LMF1: variants seen among roughly 807,000 people sequenced by gnomAD.
The protein encoded by LMF1 is transmembrane protein 112.
Under a neutral mutation model 60.6 loss-of-function variants are expected in LMF1, and 68 were observed. That is an observed-to-expected ratio of 1.12 (90% CI 0.92 to 1.37). The LOEUF (loss-of-function observed/expected upper bound fraction) is 1.37, where lower values mean the gene tolerates loss of function less well. LMF1 is among the 40% of genes most tolerant of loss of function. The probability of loss-of-function intolerance (pLI) is 0.00; values close to 1 mark genes in which losing one functional copy is unlikely to be tolerated. For missense variants in LMF1, 948 were observed against 767.2 expected, an observed-to-expected ratio of 1.24 and a Z score of -2.78; for synonymous variants, 418 against 324.7, an observed-to-expected ratio of 1.29 and a Z score of -3.09.
intron 3 of LMF1, among the ~76,000 whole-genome samples, chr16:927,467 A>G (rs1037942693): frequency 6.6e-6 from 1 of 152,252 alleles, no homozygotes; most frequent in African/African-American, 2.4e-5. Flanking sequence ...CCCAGAGAGG[A>G]GCTGGCTCGG....
intron 10 of LMF1, among the ~76,000 whole-genome samples, chr16:857,813 A>G (rs1325272072): frequency 2.2e-4 from 6 of 27,316 alleles, no homozygotes; most frequent in Non-Finnish European, 2.3e-4. Context: ...GTGTCTCGGG[A>G]TGGGTGTGAG....
chr16:979,328 G>A (rs933607065), intron 1 of LMF1: 6 of 353,798 alleles, frequency 1.7e-5, no homozygotes, highest in South Asian at 4.2e-5. Flanking sequence ...CCCACATACC[G>A]CCCTCCCGGG....
chr16:871,541 C>T lies in LMF1; in HGVS notation c.898-200G>A, dbSNP rs537952902. On this transcript the variant is annotated intron_variant, in intron 6 of 10. Coordinates refer to ENST00000262301, the MANE Select transcript of LMF1 (RefSeq NM_022773.4). ...CAGCAGATGCCTCAGAGGTGCCTTC[C>T]GGCAGGTGCTTCCAGAACATTCCTC... The T allele has an allele frequency of 1.6e-4, 96 of 598,986 alleles. 1 individual carries two copies. Among genetic ancestry groups the T allele is most frequent in the Admixed American group, 1.1e-3 (38 of 33,582 alleles). The allele number at this position is 598,986 out of a possible 1,614,324, so 37.1% of individuals were successfully genotyped here.
chr16:854,739 C>G (rs2069142293), intron 10 of LMF1, 33 bp from the exon 11 acceptor site: 1 of 1,549,840 alleles, frequency 6.5e-7, no homozygotes, highest in African/African-American at 1.4e-5. Context: ...CCAGGGCCTG[C>G]TGGGACTCCC....
At chr16:935,584 A>AAAAAAAAAT (rs59945373) in intron 2 of LMF1, among the ~76,000 whole-genome samples, 1 of 151,466 alleles carries the variant, frequency 6.6e-6, no homozygotes, top group Non-Finnish European at 1.5e-5. Flanking sequence ...AAAAAAAAAA[A>AAAAAAAAAT]CTCATAATGT....
chr16:958,939 A>G (rs559802826), intron 1 of LMF1, among the ~76,000 whole-genome samples: 10 of 152,186 alleles, frequency 6.6e-5, no homozygotes, highest in African/African-American at 1.2e-4. Context: ...ACAGTGCCCA[A>G]TGCTGCAGAA....
intron 1 of LMF1, chr16:978,956 A>G (rs1272864059): frequency 2.2e-6 from 1 of 453,728 alleles, no homozygotes; most frequent in Non-Finnish European, 4.4e-6. Context: ...AGCTTAAATG[A>G]CACCAAAGAT....
chr16:952,345 C>G (rs144390623), intron 2 of LMF1, among the ~76,000 whole-genome samples: 1,836 of 152,184 alleles, frequency 0.012, 23 homozygotes, highest in South Asian at 0.097. Context: ...AGCTGCAGCC[C>G]TCCCTGCATG....
chr16:870,790 G>A lies in LMF1; in HGVS notation c.1171C>T (p.Gln391Ter). The change falls in exon 8 of 11, where the codon CAG (glutamine) becomes TAG (stop). Residue 391 changes from glutamine (Q) to a stop codon, truncating the protein, a stop_gained. Transcript: ENST00000262301. LOFTEE classifies it high-confidence loss of function. ...PVVLNLLSSR[Q>*]VMNTHFNSLH... Reference sequence around the variant, plus strand: ...GAGTTGAAGTGGGTGTTCATGACCTGCCTGGAGCTCAGCAAGTTGAGGACC... The same window carrying A: ...GAGTTGAAGTGGGTGTTCATGACCTACCTGGAGCTCAGCAAGTTGAGGACC... 2 of 1,612,858 alleles carry A rather than the reference G, an allele frequency of 1.2e-6. No homozygotes were observed. The highest frequency in any genetic ancestry group is 1.7e-6 in the Non-Finnish European group (2 of 1,179,692).
chr16:940,633 A>T (rs117977881), intron 2 of LMF1, among the ~76,000 whole-genome samples: 24 of 152,400 alleles, frequency 1.6e-4, no homozygotes, highest in African/African-American at 5.3e-4. Flanking sequence ...AGTAAATGCT[A>T]TAAGGATTAT....
chr16:936,795 G>C (rs1057026337), intron 2 of LMF1, among the ~76,000 whole-genome samples: 3 of 152,230 alleles, frequency 2.0e-5, no homozygotes, highest in Non-Finnish European at 4.4e-5. Flanking sequence ...CAAATCCATA[G>C]AGAATAAAAG....
At chr16:919,594 G>A (rs2071377421) in intron 3 of LMF1, among the ~76,000 whole-genome samples, 1 of 152,230 alleles carries the variant, frequency 6.6e-6, no homozygotes, top group Non-Finnish European at 1.5e-5. Context: ...CAGAGGCAGG[G>A]AGGGCGTCTG....
At chr16:875,908 G>A (rs372834155) in intron 6 of LMF1, among the ~76,000 whole-genome samples, 3 of 152,304 alleles carry the variant, frequency 2.0e-5, no homozygotes, top group East Asian at 1.9e-4. Flanking sequence ...CCCCAGGACC[G>A]CATGGCTGAA....
chr16:960,595 A>G (rs2072809346), intron 1 of LMF1, among the ~76,000 whole-genome samples: 1 of 99,026 alleles, frequency 1.0e-5, no homozygotes, highest in African/African-American at 3.7e-5. Context: ...ACCCAGACAC[A>G]GACTCACGGT....
chr16:875,997 C>G (rs1339206953), intron 6 of LMF1, among the ~76,000 whole-genome samples: 1 of 151,262 alleles, frequency 6.6e-6, no homozygotes, highest in Non-Finnish European at 1.5e-5. Flanking sequence ...TCAGGCTGGA[C>G]ACCCCTCCCT....
At chr16:975,345 CAT>C (rs575776095), upstream of LMF1, among the ~76,000 whole-genome samples, 220 of 152,010 alleles carry the variant, frequency 1.4e-3, 1 homozygote, top group African/African-American at 5.1e-3. Flanking sequence ...CTCTAGGAAT[CAT>C]ATTCTGCACT....
intron 10 of LMF1, among the ~76,000 whole-genome samples, chr16:867,048 G>T (rs573590798): frequency 6.6e-6 from 1 of 152,182 alleles, no homozygotes; most frequent in Non-Finnish European, 1.5e-5. Context: ...TTTTAAAGTC[G>T]ATGATGAACT....
intron 2 of LMF1, 120 bp downstream of exon 2, chr16:954,235 ACC>A (rs1295451729): frequency 9.5e-7 from 1 of 1,048,128 alleles, no homozygotes. Context: ...AAATGACAAT[ACC>A]CTCCTGAAGG....
At chr16:925,231 T>C (rs1296618125) in intron 3 of LMF1, among the ~76,000 whole-genome samples, 1 of 152,240 alleles carries the variant, frequency 6.6e-6, no homozygotes, top group East Asian at 1.9e-4. Context: ...AAAAGCCACG[T>C]TGAAGATTCT....
Sources: gnomAD v4.1 joint callset for allele counts (sites outside exome capture counted in the v4.1 genomes callset) on GRCh38, gnomAD v4.1.1 for gene constraint, MANE v1.5 for transcripts, NCBI Gene and HGNC (gene_info 2026-07-23, HGNC 2026-07-21) for gene names.